FRK: variants seen among roughly 807,000 people sequenced by gnomAD.
The protein encoded by FRK is fyn related Src family tyrosine kinase, also known as tyrosine-protein kinase FRK.
Under a neutral mutation model 56.4 loss-of-function variants are expected in FRK, and 51 were observed. The observed-to-expected ratio is 0.90, with a 90% confidence interval of 0.72 to 1.14. The LOEUF is 1.14. Ranked by LOEUF, FRK falls within the 50% of genes most tolerant of loss-of-function variation. FRK has a pLI of 0.00. For missense variants in FRK, 570 were observed against 601.4 expected, an observed-to-expected ratio of 0.95 and a Z score of 0.55; for synonymous variants, 245 against 217.9, an observed-to-expected ratio of 1.12 and a Z score of -1.10.
At chr6:115,967,060 G>T (rs1040356639) in intron 4 of FRK, among the ~76,000 whole-genome samples, 10 of 152,064 alleles carry the variant, frequency 6.6e-5, no homozygotes, top group African/African-American at 1.2e-4. Context: ...AATTTTACTT[G>T]CCATCACAGG....
At chr6:116,054,463 A>AATATAATAT (rs1777302386) in intron 1 of FRK, among the ~76,000 whole-genome samples, 1 of 144,318 alleles carries the variant, frequency 6.9e-6, no homozygotes, top group Middle Eastern at 3.3e-3. Context: ...TATTATATAT[A>AATATAATAT]ATATAATATA....
At chr6:115,967,502 G>A in intron 4 of FRK, 49 bp downstream of exon 4, 1 of 1,558,088 alleles carries the variant, frequency 6.4e-7, no homozygotes, top group Non-Finnish European at 8.8e-7. Context: ...GTGTTAAATT[G>A]AGCTCATAAA....
At chr6:115,976,438 T>C (rs1773994074) in intron 2 of FRK, among the ~76,000 whole-genome samples, 1 of 152,172 alleles carries the variant, frequency 6.6e-6, no homozygotes, top group African/African-American at 2.4e-5. Context: ...AGAGGCTGTG[T>C]CTGCAAGACA....
intron 5 of FRK, among the ~76,000 whole-genome samples, chr6:115,953,469 G>A (rs1361849330): frequency 4.6e-5 from 7 of 152,130 alleles, no homozygotes; most frequent in African/African-American, 7.2e-5. Flanking sequence ...GATTACAGGC[G>A]TGAGCCACCG....
the FRK span, among the ~76,000 whole-genome samples, chr6:116,072,528 T>TA: frequency 1.9e-4 from 19 of 98,348 alleles, no homozygotes; most frequent in African/African-American, 6.8e-4. Context: ...CCAGGTTAAA[T>TA]AAACACACAC....
At chr6:115,992,630 G>A (rs1003055982) in intron 2 of FRK, among the ~76,000 whole-genome samples, 26 of 151,728 alleles carry the variant, frequency 1.7e-4, no homozygotes, top group Non-Finnish European at 3.5e-4. Context: ...ACTTCAACAT[G>A]CAAAACACCA....
At chr6:116,063,915 G>C (rs1274960693), upstream of FRK, among the ~76,000 whole-genome samples, 3 of 152,234 alleles carry the variant, frequency 2.0e-5, no homozygotes, top group South Asian at 2.1e-4. Context: ...GCCACCAAGT[G>C]GCTAACCCTG....
At chr6:116,064,936 G>C (rs12111004), upstream of FRK, among the ~76,000 whole-genome samples, 490 of 152,216 alleles carry the variant, frequency 3.2e-3, no homozygotes, top group African/African-American at 0.011. Flanking sequence ...TCCCACATCT[G>C]ATCCTGTATC....
At position 116,036,489 on chromosome 6, in the gene FRK, C is replaced by T. The variant is rs142333107; in HGVS notation, c.344+23479G>A. On this transcript the variant is annotated intron_variant, in intron 1 of 7. Coordinates refer to ENST00000606080, the MANE Select transcript of FRK (RefSeq NM_002031.3). ...ATGAGTTTGAAAAATAATTTGGGAT[C>T]ATTTTTCTCATAATACCCTCTGTAC... Among the ~76,000 whole-genome samples, 20 of 152,208 alleles carry T rather than the reference C, an allele frequency of 1.3e-4. No homozygotes were observed. The East Asian group carries it at 3.7e-3, about 28-fold the overall frequency.
intron 1 of FRK, among the ~76,000 whole-genome samples, chr6:116,017,152 G>C (rs1775688534): frequency 6.9e-6 from 1 of 144,970 alleles, no homozygotes. Flanking sequence ...ACTGAGAGAA[G>C]AAAGAGCCCC....
At chr6:116,089,188 G>A in the FRK span, among the ~76,000 whole-genome samples, 1 of 152,050 alleles carries the variant, frequency 6.6e-6, no homozygotes, top group Non-Finnish European at 1.5e-5. Flanking sequence ...TAGATAAAAA[G>A]GCTTGGCTTA....
At chr6:115,975,631 G>T (rs1406890029) in intron 2 of FRK, among the ~76,000 whole-genome samples, 2 of 151,972 alleles carry the variant, frequency 1.3e-5, no homozygotes, top group Non-Finnish European at 2.9e-5. Flanking sequence ...GTGAATGCTT[G>T]TGCCATTCTT....
At chr6:115,994,723 T>G (rs1340679726) in intron 2 of FRK, among the ~76,000 whole-genome samples, 1 of 152,076 alleles carries the variant, frequency 6.6e-6, no homozygotes, top group African/African-American at 2.4e-5. Flanking sequence ...CGATTAAATT[T>G]AAATGAGAAC....
At chr6:115,960,243 G>A (rs1773284995) in intron 4 of FRK, among the ~76,000 whole-genome samples, 2 of 151,250 alleles carry the variant, frequency 1.3e-5, no homozygotes, top group East Asian at 4.0e-4. Context: ...GAAGCGCAAG[G>A]GGTCAGGGAG....
In FRK at chr6:116,017,497, C is replaced by G. The variant is rs142931978; in HGVS notation, c.345-13499G>C. Among the ~76,000 whole-genome samples, 3 of 152,284 alleles carry G rather than the reference C, an allele frequency of 2.0e-5. No individual in the cohort carries two copies. In the East Asian group the frequency reaches 5.8e-4, roughly 29 times the overall value. ...CAGCTGGACTCTGTCTGAGCACACT[C>G]TGGCTCAGGAGACTGCCTGATTTGC... On this transcript the variant is annotated intron_variant, in intron 1 of 7. Coordinates refer to ENST00000606080, the MANE Select transcript of FRK (RefSeq NM_002031.3).
intron 1 of FRK, among the ~76,000 whole-genome samples, chr6:116,058,236 G>A (rs897470381): frequency 6.6e-6 from 1 of 152,154 alleles, no homozygotes; most frequent in African/African-American, 2.4e-5. Flanking sequence ...ATGCACATAA[G>A]TGTATCCAAT....
chr6:116,023,162 G>T (rs1047601285), intron 1 of FRK, among the ~76,000 whole-genome samples: 1 of 152,130 alleles, frequency 6.6e-6, no homozygotes, highest in African/African-American at 2.4e-5. Flanking sequence ...CCAAATATTG[G>T]CAAAGATGTG....
chr6:116,021,844 T>C (rs1775882517), intron 1 of FRK, among the ~76,000 whole-genome samples: 1 of 151,746 alleles, frequency 6.6e-6, no homozygotes, highest in African/African-American at 2.4e-5. Context: ...CAGTAAAAAA[T>C]GGTCAAAGGA....
At chr6:115,998,475 C>A (rs1490396249) in intron 2 of FRK, among the ~76,000 whole-genome samples, 1 of 152,140 alleles carries the variant, frequency 6.6e-6, no homozygotes, top group Non-Finnish European at 1.5e-5. Flanking sequence ...ACCCACACAC[C>A]TGCACTATCC....
Sources: gnomAD v4.1 joint callset for allele counts (sites outside exome capture counted in the v4.1 genomes callset) on GRCh38, gnomAD v4.1.1 for gene constraint, MANE v1.5 for transcripts, NCBI Gene and HGNC (gene_info 2026-07-23, HGNC 2026-07-21) for gene names.